TTLL1: variants seen among roughly 807,000 people sequenced by gnomAD.
TTLL1 encodes the protein TTL family tubulin polyglutamylase complex subunit L1, also known as polyglutamylase complex subunit TTLL1.
TTLL1 carries 33 observed loss-of-function variants against 47.8 expected under a neutral mutation model. The observed-to-expected ratio is 0.69, with a 90% confidence interval of 0.52 to 0.92. TTLL1 has a LOEUF of 0.92. TTLL1 is among the 40% of genes least tolerant of loss of function. The pLI, the probability that TTLL1 is intolerant of heterozygous loss-of-function variation, is 0.00. For missense variants in TTLL1, 488 were observed against 547.5 expected, an observed-to-expected ratio of 0.89 and a Z score of 1.08; for synonymous variants, 225 against 214.1, an observed-to-expected ratio of 1.05 and a Z score of -0.45.
At chr22:43,088,118 TG>T (rs1370409458) in intron 1 of TTLL1, among the ~76,000 whole-genome samples, 1 of 151,792 alleles carries the variant, frequency 6.6e-6, no homozygotes, top group Non-Finnish European at 1.5e-5. Flanking sequence ...CACTCCAGCC[TG>T]GGCAACAAAG....
chr22:43,064,358 T>C (rs1050431016), intron 5 of TTLL1, 34 bp from the exon 6 acceptor site: 1 of 1,597,086 alleles, frequency 6.3e-7, no homozygotes, highest in African/African-American at 1.3e-5. Context: ...AATTAGATGG[T>C]AAAAGATGCA....
chr22:43,088,058 G>C (rs939387747), intron 1 of TTLL1, among the ~76,000 whole-genome samples: 1 of 151,514 alleles, frequency 6.6e-6, no homozygotes, highest in Non-Finnish European at 1.5e-5. Flanking sequence ...TGAGGCAGGA[G>C]AATCGCTTGA....
chr22:43,054,547 CCCAAATAGCTGGGATCA>C (rs1926867763), intron 8 of TTLL1, among the ~76,000 whole-genome samples: 2 of 151,752 alleles, frequency 1.3e-5, no homozygotes, highest in Non-Finnish European at 2.9e-5. Flanking sequence ...GCTTCAGCCT[CCCAAATAGCTGGGATCA>C]CAGGCATGCG....
chr22:43,047,847 G>A lies in TTLL1; in HGVS notation c.979-1274C>T, dbSNP rs140898858. Among the ~76,000 whole-genome samples, 299 of 152,264 alleles carry A rather than the reference G, an allele frequency of 2.0e-3. 2 individuals are homozygous for A. The highest frequency in any genetic ancestry group is 6.8e-3 in the Middle Eastern group (2 of 292). On this transcript the variant is annotated intron_variant, in intron 9 of 10. Transcript: ENST00000266254. The stretch of plus-strand genomic sequence containing the variant: ...CTGTTTCAGGCCATGGGGGATTAGA[G>A]GGAGCAAATTTGTAAGCTGTTTACA...
intron 7 of TTLL1, among the ~76,000 whole-genome samples, chr22:43,062,944 C>T (rs1325966043): frequency 6.6e-6 from 1 of 152,192 alleles, no homozygotes; most frequent in Non-Finnish European, 1.5e-5. Flanking sequence ...TCATCTAAGG[C>T]AAAGCCTATT....
chr22:43,070,244 T>C, intron 3 of TTLL1: 1 of 1,310,482 alleles, frequency 7.6e-7, no homozygotes, highest in Non-Finnish European at 1.0e-6. Flanking sequence ...TCAAGGAGCC[T>C]TTAAAAACAA....
chr22:43,074,947 G>A (rs563905204), intron 3 of TTLL1, among the ~76,000 whole-genome samples: 1 of 151,946 alleles, frequency 6.6e-6, no homozygotes, highest in Non-Finnish European at 1.5e-5. Context: ...AGGCCGAGGC[G>A]GGTGGATCAC....
intron 8 of TTLL1, among the ~76,000 whole-genome samples, chr22:43,053,744 C>G (rs1926806431): frequency 6.6e-6 from 1 of 152,200 alleles, no homozygotes; most frequent in Non-Finnish European, 1.5e-5. Context: ...TTCCTGCTCC[C>G]AAAGCCTCAC....
rs973158423 is a variant in TTLL1 at position 43,069,859 on chromosome 22, C to A, written c.114-15G>T. The A allele has an allele frequency of 2.5e-6, 4 of 1,613,382 alleles. No individual in the cohort carries two copies. In the African/African-American group the frequency reaches 5.3e-5, roughly 22 times the overall value. ...GCACACTCATCCTGAAAGAGATGAG[C>A]AGGAGAGACACTTGGCAGTGATGTC... is the stretch of plus-strand genomic sequence containing the variant. On this transcript the variant is annotated splice_polypyrimidine_tract_variant and intron_variant, in intron 3 of 10. Transcript: ENST00000266254.
rs746514778 is a variant in TTLL1, at chr22:43,039,734, G to T, written c.*42C>A. 13 of 1,540,582 alleles carry T rather than the reference G, an allele frequency of 8.4e-6. No homozygotes were observed. Among genetic ancestry groups the T allele is most frequent in the African/African-American group, 1.4e-5 (1 of 72,144 alleles). ...ATTTCAAAATAGGGCTTCAGCAGGG[G>T]CCCAGGTGGAGTGAGTAGTTTTGAT... On this transcript the variant is annotated 3_prime_UTR_variant, in exon 11 of 11. Coordinates refer to ENST00000266254, the MANE Select transcript of TTLL1 (RefSeq NM_012263.5).
intron 8 of TTLL1, among the ~76,000 whole-genome samples, chr22:43,054,875 C>T (rs184135408): frequency 2.7e-5 from 4 of 150,084 alleles, no homozygotes; most frequent in African/African-American, 7.4e-5. Flanking sequence ...ACAGGCACTG[C>T]CACTACGCCT....
At chr22:43,074,058 A>T (rs1928315139) in intron 3 of TTLL1, among the ~76,000 whole-genome samples, 1 of 151,768 alleles carries the variant, frequency 6.6e-6, no homozygotes, top group East Asian at 2.0e-4. Flanking sequence ...TCCTGGCCTC[A>T]AGTGATCCAC....
At chr22:43,058,618 C>T (rs1305368900) in intron 8 of TTLL1, among the ~76,000 whole-genome samples, 1 of 152,232 alleles carries the variant, frequency 6.6e-6, no homozygotes. Context: ...GCAAGCTAGC[C>T]CCTTTCCCTT....
rs555778144 is a variant in TTLL1, at chr22:43,048,702, C to T, written c.979-2129G>A. Among the ~76,000 whole-genome samples, 6 of 151,756 alleles carry T rather than the reference C, an allele frequency of 4.0e-5. No individual in the cohort carries two copies. The East Asian group carries it at 1.2e-3, about 29-fold the overall frequency. On this transcript the variant is annotated intron_variant, in intron 9 of 10. Coordinates refer to ENST00000266254, the MANE Select transcript of TTLL1 (RefSeq NM_012263.5). ...CCTGTAATCCCAGCACTTTGGGAGG[C>T]TGCAGTGGGCGGATCACTTGAGGTC...
intron 1 of TTLL1, among the ~76,000 whole-genome samples, chr22:43,083,660 G>A (rs1173273156): frequency 6.6e-6 from 1 of 151,552 alleles, no homozygotes; most frequent in Non-Finnish European, 1.5e-5. Flanking sequence ...CTCAGGAGGC[G>A]GAGACAGCGG....
chr22:43,083,512 C>G (rs6003044), intron 1 of TTLL1, among the ~76,000 whole-genome samples: 13,698 of 152,214 alleles, frequency 0.09, 1,582 homozygotes, highest in African/African-American at 0.26. Flanking sequence ...ATGGGCGGGT[C>G]ACCTGAGGTC....
intron 1 of TTLL1, among the ~76,000 whole-genome samples, chr22:43,080,723 G>A (rs1928821068): frequency 7.5e-6 from 1 of 133,432 alleles, no homozygotes. Context: ...TCCACAGAGA[G>A]CCATTCTCAG....
chr22:43,075,444 A>C, intron 3 of TTLL1, 30 bp downstream of exon 3: 1 of 1,596,214 alleles, frequency 6.3e-7, no homozygotes, highest in Non-Finnish European at 8.6e-7. Context: ...AGCCTCAGAG[A>C]AACAACCCAG....
chr22:43,046,461 C>T lies in TTLL1; in HGVS notation c.1091G>A (p.Cys364Tyr). 3 of 1,614,024 alleles carry T rather than the reference C, an allele frequency of 1.9e-6. No homozygotes were observed. Among genetic ancestry groups the T allele is most frequent in the Non-Finnish European group, 2.5e-6 (3 of 1,180,020 alleles). ...CTTAGGTGGCGACTTGTTCCATTTG[C>T]AGTCTGGGATTTCACCATTCGGGAC... ...IAVPNGEIPDCKWNKSPPKEV... is the reference protein window; with the variant it reads ...IAVPNGEIPDYKWNKSPPKEV... The change falls in exon 10 of 11, where the codon TGC becomes TAC. Residue 364 changes from cysteine to tyrosine, a missense_variant. Coordinates refer to ENST00000266254, the MANE Select transcript of TTLL1 (RefSeq NM_012263.5).
Sources: gnomAD v4.1 joint callset for allele counts (sites outside exome capture counted in the v4.1 genomes callset) on GRCh38, gnomAD v4.1.1 for gene constraint, MANE v1.5 for transcripts, NCBI Gene and HGNC (gene_info 2026-07-23, HGNC 2026-07-21) for gene names.